The following GNAQ variants were observed in gnomAD, a reference collection of about 807,000 sequenced individuals.
The protein encoded by GNAQ is guanine nucleotide-binding protein G(q) subunit alpha.
A neutral mutation model predicts 43.9 loss-of-function variants in GNAQ; 8 were observed. The ratio of observed to expected loss-of-function variants is 0.18; its 90% CI spans 0.11 to 0.33. GNAQ has a LOEUF of 0.33. Ranked by LOEUF, GNAQ falls within the 10% of genes least tolerant of loss-of-function variation. The probability of loss-of-function intolerance (pLI) is 1.00; values close to 1 mark genes in which losing one functional copy is unlikely to be tolerated. For missense variants in GNAQ, 158 were observed against 450.8 expected, an observed-to-expected ratio of 0.35 and a Z score of 5.88; for synonymous variants, 155 against 170.7, an observed-to-expected ratio of 0.91 and a Z score of 0.71.
At chr9:77,771,353 C>G (rs1826218895) in intron 5 of GNAQ, among the ~76,000 whole-genome samples, 1 of 152,126 alleles carries the variant, frequency 6.6e-6, no homozygotes, top group African/African-American at 2.4e-5. Flanking sequence ...GGAAGTGAGG[C>G]AGGAAATCAG....
chr9:78,021,593 A>G (rs1209691350), intron 1 of GNAQ, among the ~76,000 whole-genome samples: 1 of 152,206 alleles, frequency 6.6e-6, no homozygotes, highest in African/African-American at 2.4e-5. Flanking sequence ...CCTAGAAAAG[A>G]GACCTGCTAG....
intron 1 of GNAQ, among the ~76,000 whole-genome samples, chr9:77,987,828 C>G (rs1477652914): frequency 6.6e-6 from 1 of 152,082 alleles, no homozygotes; most frequent in Non-Finnish European, 1.5e-5. Context: ...CCCAGACATT[C>G]AAGTCCAGTG....
At chr9:77,745,808 T>C (rs1020858924) in intron 5 of GNAQ, among the ~76,000 whole-genome samples, 7 of 151,972 alleles carry the variant, frequency 4.6e-5, no homozygotes, top group Admixed American at 2.6e-4. Flanking sequence ...AAAGACGTTA[T>C]AGTAACAGAA....
intron 1 of GNAQ, among the ~76,000 whole-genome samples, chr9:77,994,712 C>T (rs946006632): frequency 6.6e-6 from 1 of 152,160 alleles, no homozygotes; most frequent in Non-Finnish European, 1.5e-5. Flanking sequence ...TGTTTTGCTG[C>T]CTCTGAGCTT....
intron 1 of GNAQ, among the ~76,000 whole-genome samples, chr9:77,996,732 A>C (rs1226619349): frequency 3.3e-5 from 5 of 152,108 alleles, no homozygotes; most frequent in Admixed American, 2.6e-4. Flanking sequence ...TGCAATAGTC[A>C]GATAAATTAA....
intron 1 of GNAQ, among the ~76,000 whole-genome samples, chr9:77,940,466 C>T (rs1829298513): frequency 6.6e-6 from 1 of 152,060 alleles, no homozygotes; most frequent in Non-Finnish European, 1.5e-5. Flanking sequence ...GTGGTCCTAG[C>T]TACTTGGAAG....
At chr9:77,830,692 C>A (rs1827284590) in intron 2 of GNAQ, among the ~76,000 whole-genome samples, 1 of 152,186 alleles carries the variant, frequency 6.6e-6, no homozygotes, top group Non-Finnish European at 1.5e-5. Flanking sequence ...TCTATCCCTT[C>A]AAGGCCAAAG....
At chr9:77,831,709 G>A (rs140127514) in intron 2 of GNAQ, among the ~76,000 whole-genome samples, 273 of 152,238 alleles carry the variant, frequency 1.8e-3, no homozygotes, top group Non-Finnish European at 3.0e-3. Context: ...AAATGCCCAC[G>A]TGATATAATG....
At chr9:77,903,661 A>G (rs184811617) in intron 2 of GNAQ, among the ~76,000 whole-genome samples, 1 of 152,258 alleles carries the variant, frequency 6.6e-6, no homozygotes, top group East Asian at 1.9e-4. Flanking sequence ...GAAGCAAAAT[A>G]ATTTCTGACA....
intron 1 of GNAQ, among the ~76,000 whole-genome samples, chr9:78,030,885 C>T (rs990972107): frequency 1.7e-5 from 2 of 121,152 alleles, no homozygotes; most frequent in African/African-American, 7.3e-5. Flanking sequence ...GTGTGTGTGT[C>T]GCTGTGTGTG....
rs187081755 is a variant in GNAQ at position 77,819,563 on chromosome 9, C to T, written c.322-3793G>A. ...ATGGTAACTTCCACATTTGTGGAAG[C>T]TCTTAGACACAAATATCCAGCTTAT... On this transcript the variant is annotated intron_variant, in intron 2 of 6. Coordinates refer to ENST00000286548, the MANE Select transcript of GNAQ (RefSeq NM_002072.5). Among the ~76,000 whole-genome samples, 19 of 152,250 alleles carry T rather than the reference C, an allele frequency of 1.2e-4. No individual in the cohort carries two copies. In the East Asian group the frequency reaches 3.7e-3, roughly 29 times the overall value.
intron 5 of GNAQ, among the ~76,000 whole-genome samples, chr9:77,729,642 T>C (rs1825455353): frequency 6.6e-6 from 1 of 152,172 alleles, no homozygotes; most frequent in Non-Finnish European, 1.5e-5. Context: ...GATTTGGGAA[T>C]TCTCCTTCCC....
intron 2 of GNAQ, among the ~76,000 whole-genome samples, chr9:77,831,449 T>C (rs1262422141): frequency 6.6e-6 from 1 of 152,180 alleles, no homozygotes; most frequent in Admixed American, 6.5e-5. Context: ...TTCATATCAT[T>C]GATAATGTGT....
chr9:77,743,951 T>A (rs2118268722), intron 5 of GNAQ, among the ~76,000 whole-genome samples: 1 of 152,268 alleles, frequency 6.6e-6, no homozygotes, highest in South Asian at 2.1e-4. Context: ...GTACACAGAT[T>A]TATATATTTC....
At chr9:77,979,038 GAGTA>G (rs1823336633) in intron 1 of GNAQ, among the ~76,000 whole-genome samples, 1 of 152,032 alleles carries the variant, frequency 6.6e-6, no homozygotes, top group Non-Finnish European at 1.5e-5. Flanking sequence ...CTGAGTGACA[GAGTA>G]AGACTCTGTC....
intron 2 of GNAQ, among the ~76,000 whole-genome samples, chr9:77,819,002 C>CAAAAAAAA (rs10547681): frequency 8.8e-5 from 4 of 45,286 alleles, no homozygotes; most frequent in African/African-American, 4.3e-4. Flanking sequence ...ACCATCTCTC[C>CAAAAAAAA]AAAAAAAAAA....
intron 5 of GNAQ, among the ~76,000 whole-genome samples, chr9:77,790,030 A>C (rs1587917635): frequency 6.6e-6 from 1 of 152,216 alleles, no homozygotes; most frequent in Admixed American, 6.5e-5. Flanking sequence ...GAAAATGAAC[A>C]AAGTAATGAG....
chr9:78,000,834 AC>A (rs1360328551), intron 1 of GNAQ, among the ~76,000 whole-genome samples: 1 of 152,146 alleles, frequency 6.6e-6, no homozygotes, highest in East Asian at 1.9e-4. Flanking sequence ...ACATCCAAAA[AC>A]CCTCACAGAA....
chr9:77,933,930 G>C (rs1268559286), intron 1 of GNAQ, among the ~76,000 whole-genome samples: 2 of 152,108 alleles, frequency 1.3e-5, no homozygotes, highest in Non-Finnish European at 2.9e-5. Context: ...ACGCTCTTTT[G>C]AAAAGCACTC....
Sources: allele counts gnomAD v4.1 joint callset (sites outside exome capture counted in the v4.1 genomes callset), GRCh38; gene constraint gnomAD v4.1.1; transcripts MANE v1.5; gene names NCBI Gene and HGNC (gene_info 2026-07-23, HGNC 2026-07-21).